The following DLG2 variants were observed in gnomAD, a reference collection of about 807,000 sequenced individuals.
DLG2 encodes the protein discs large MAGUK scaffold protein 2.
Under a neutral mutation model 132.5 loss-of-function variants are expected in DLG2, and 45 were observed. The observed-to-expected ratio is 0.34, with a 90% CI of 0.27 to 0.44. The LOEUF (loss-of-function observed/expected upper bound fraction) is 0.44, where lower values mean the gene tolerates loss of function less well. Ranked by LOEUF, DLG2 falls within the 20% of genes least tolerant of loss-of-function variation. DLG2 has a pLI of 1.00. For missense variants in DLG2, 1,045 were observed against 1,196.9 expected (o/e 0.87, Z 1.87); for synonymous variants, 424 against 419.6 (o/e 1.01, Z -0.13).
intron 7 of DLG2, among the ~76,000 whole-genome samples, chr11:84,324,979 T>C (rs1338664195): frequency 2.6e-5 from 4 of 152,154 alleles, no homozygotes; most frequent in Non-Finnish European, 4.4e-5. Context: ...AATATAATTT[T>C]ACTTCTTCCT....
At chr11:83,552,731 A>G (rs2096421709) in intron 19 of DLG2, among the ~76,000 whole-genome samples, 3 of 152,194 alleles carry the variant, frequency 2.0e-5, no homozygotes, top group Admixed American at 2.0e-4. Context: ...TGGACCACTG[A>G]ACAGCTTTTC....
chr11:84,279,568 T>A lies in DLG2; in HGVS notation c.520-28277A>T, dbSNP rs571351545. Among the ~76,000 whole-genome samples, 4 of 152,164 alleles carry A rather than the reference T, an allele frequency of 2.6e-5. No individual in the cohort carries two copies. In the South Asian group the frequency reaches 8.3e-4, roughly 32 times the overall value. Reference sequence around the variant, plus strand: ...GACTTAGAACTAATCCAAATGCCCATCAGTGATAGACTGGATAAAGAAAAT... The same window carrying A: ...GACTTAGAACTAATCCAAATGCCCAACAGTGATAGACTGGATAAAGAAAAT... On this transcript the variant is annotated intron_variant, in intron 7 of 27. Coordinates refer to ENST00000376104, the MANE Select transcript of DLG2 (RefSeq NM_001142699.3).
chr11:84,607,707 T>C (rs965068192), intron 6 of DLG2, among the ~76,000 whole-genome samples: 25 of 152,154 alleles, frequency 1.6e-4, no homozygotes, highest in African/African-American at 5.8e-4. Context: ...CTCCTATCTC[T>C]GACTTTAATC....
chr11:83,725,939 G>C (rs2089913263), intron 18 of DLG2, among the ~76,000 whole-genome samples: 1 of 151,948 alleles, frequency 6.6e-6, no homozygotes, highest in Non-Finnish European at 1.5e-5. Flanking sequence ...AATCAGCTGT[G>C]GTGGTCACCA....
chr11:85,605,506 G>A (rs2080467141), intron 2 of DLG2, among the ~76,000 whole-genome samples: 1 of 152,128 alleles, frequency 6.6e-6, no homozygotes, highest in South Asian at 2.1e-4. Flanking sequence ...GGTAGATAGA[G>A]AAAAAGGTTA....
intron 6 of DLG2, among the ~76,000 whole-genome samples, chr11:84,794,128 GA>G (rs544314314): frequency 1.3e-5 from 2 of 152,114 alleles, no homozygotes; most frequent in Non-Finnish European, 2.9e-5. Flanking sequence ...CCATTCGTAT[GA>G]TAATTTATCA....
intron 3 of DLG2, among the ~76,000 whole-genome samples, chr11:85,333,839 G>C (rs1025767986): frequency 2.0e-5 from 3 of 151,758 alleles, no homozygotes; most frequent in Non-Finnish European, 2.9e-5. Flanking sequence ...CTAGTATTTG[G>C]TTGAGGATTT....
At position 84,253,132 on chromosome 11, in the gene DLG2, TAAAG is replaced by T. The variant is rs1316414861; in HGVS notation, c.520-1845_520-1842del. ...CAATGGGACGTATCTTGTGGGTAAA[TAAAG>T]ACTCTGGAGAAAGACAGTTTTTACT... On this transcript the variant is annotated intron_variant, in intron 7 of 27. Coordinates refer to ENST00000376104, the MANE Select transcript of DLG2 (RefSeq NM_001142699.3). 3.3e-5 allele frequency among the ~76,000 whole-genome samples: 5 copies of T among 151,998 alleles called. No homozygotes were observed. In the East Asian group the frequency reaches 7.8e-4, roughly 24 times the overall value.
chr11:83,513,349 T>A (rs1264711309), intron 21 of DLG2, among the ~76,000 whole-genome samples: 3 of 152,238 alleles, frequency 2.0e-5, no homozygotes, highest in Non-Finnish European at 4.4e-5. Flanking sequence ...TCTGTTCATA[T>A]CCTTCACCTA....
intron 7 of DLG2, chr11:84,316,739 CAA>C (rs1599754573): frequency 7.1e-7 from 1 of 1,412,346 alleles, no homozygotes; most frequent in East Asian, 2.5e-5. Flanking sequence ...TGGTACTCTG[CAA>C]AGTTTCCAAG....
intron 7 of DLG2, among the ~76,000 whole-genome samples, chr11:84,269,872 A>G (rs1023661807): frequency 6.6e-6 from 1 of 152,146 alleles, no homozygotes; most frequent in African/African-American, 2.4e-5. Flanking sequence ...GCAGCAAGAG[A>G]TATTAGGGCA....
intron 3 of DLG2, among the ~76,000 whole-genome samples, chr11:85,467,027 T>G (rs536993077): frequency 2.8e-4 from 42 of 152,336 alleles, no homozygotes; most frequent in African/African-American, 9.6e-4. Flanking sequence ...GTCCTTCAAA[T>G]CCCTTGTAAG....
chr11:83,782,428 C>A (rs933343297), intron 18 of DLG2, among the ~76,000 whole-genome samples: 5 of 152,122 alleles, frequency 3.3e-5, no homozygotes, highest in African/African-American at 1.2e-4. Flanking sequence ...TAGGAGCTCA[C>A]TCGAGTGGAG....
intron 22 of DLG2, 95 bp downstream of exon 22, chr11:83,484,034 G>A (rs2093337895): frequency 2.1e-6 from 2 of 961,794 alleles, no homozygotes; most frequent in East Asian, 2.4e-5. Flanking sequence ...TGTTTGCCTA[G>A]GTGTGTGGCG....
chr11:84,149,737 T>C (rs1438425313), intron 9 of DLG2, among the ~76,000 whole-genome samples: 1 of 152,138 alleles, frequency 6.6e-6, no homozygotes, highest in African/African-American at 2.4e-5. Context: ...TATTTATTTA[T>C]TTATTCATTC....
At chr11:83,822,373 TA>T (rs1469081352) in intron 17 of DLG2, among the ~76,000 whole-genome samples, 2 of 152,144 alleles carry the variant, frequency 1.3e-5, no homozygotes, top group Admixed American at 1.3e-4. Flanking sequence ...ATTCCTCAAA[TA>T]GAGCTCAGTG....
At chr11:84,186,659 C>T (rs893462198) in intron 8 of DLG2, among the ~76,000 whole-genome samples, 4 of 151,746 alleles carry the variant, frequency 2.6e-5, no homozygotes, top group Non-Finnish European at 5.9e-5. Context: ...GTATATGATC[C>T]GTCTCTGAAC....
At chr11:85,038,409 C>T (rs935416880) in intron 6 of DLG2, among the ~76,000 whole-genome samples, 3 of 152,030 alleles carry the variant, frequency 2.0e-5, no homozygotes, top group African/African-American at 7.2e-5. Flanking sequence ...TAAGTACCTG[C>T]ACCCACACAG....
At chr11:84,494,305 G>A (rs1395425466) in intron 7 of DLG2, among the ~76,000 whole-genome samples, 1 of 152,138 alleles carries the variant, frequency 6.6e-6, no homozygotes, top group African/African-American at 2.4e-5. Flanking sequence ...TGCTGACTGG[G>A]GGAAGAGAAA....
Sources: allele counts gnomAD v4.1 joint callset (sites outside exome capture counted in the v4.1 genomes callset), GRCh38; gene constraint gnomAD v4.1.1; transcripts MANE v1.5; gene names NCBI Gene and HGNC (gene_info 2026-07-23, HGNC 2026-07-21).